The following CSMD1 variants were observed in gnomAD, a reference collection of about 807,000 sequenced individuals.
CSMD1 encodes CUB and Sushi multiple domains 1, also known as CUB and sushi domain-containing protein 1.
Under a neutral mutation model 417.5 loss-of-function variants are expected in CSMD1, and 213 were observed. That is an observed-to-expected ratio of 0.51 (90% confidence interval 0.46 to 0.57). The LOEUF is 0.57. Among genes scored for constraint, CSMD1 ranks in the 20% least tolerant of loss-of-function variants. The pLI, the probability that CSMD1 is intolerant of heterozygous loss-of-function variation, is 0.00. For synonymous variants in CSMD1, 2,862 were observed against 1,736.8 expected (o/e 1.65, Z -16.11); for missense variants, 6,923 against 4,529.7 (o/e 1.53, Z -15.17).
chr8:3,379,212 G>A (rs977894988), intron 18 of CSMD1, among the ~76,000 whole-genome samples: 2 of 152,058 alleles, frequency 1.3e-5, no homozygotes, highest in South Asian at 2.1e-4. Flanking sequence ...ATCTCTTCAA[G>A]GAGAACTACA....
At chr8:4,812,730 C>G (rs978551431) in intron 1 of CSMD1, among the ~76,000 whole-genome samples, 6 of 152,152 alleles carry the variant, frequency 3.9e-5, no homozygotes, top group Admixed American at 3.9e-4. Flanking sequence ...AAGAAATTGC[C>G]TTTCTTCACA....
chr8:4,200,105 A>C (rs1465761242), intron 3 of CSMD1, among the ~76,000 whole-genome samples: 3 of 152,176 alleles, frequency 2.0e-5, no homozygotes, highest in Non-Finnish European at 4.4e-5. Context: ...AAGTTATTTG[A>C]GATTATAACA....
At chr8:3,114,405 A>C (rs1816727344) in intron 42 of CSMD1, among the ~76,000 whole-genome samples, 1 of 150,768 alleles carries the variant, frequency 6.6e-6, no homozygotes. Context: ...TAATAAATAC[A>C]CTTGGCATAA....
intron 15 of CSMD1, among the ~76,000 whole-genome samples, chr8:3,401,137 A>G (rs1236278737): frequency 2.6e-5 from 4 of 151,928 alleles, no homozygotes; most frequent in Non-Finnish European, 4.4e-5. Flanking sequence ...TGTTAAATAT[A>G]TAACTTTTAT....
intron 1 of CSMD1, among the ~76,000 whole-genome samples, chr8:4,887,281 C>T (rs947395696): frequency 2.8e-4 from 42 of 151,914 alleles, no homozygotes; most frequent in African/African-American, 9.4e-4. Flanking sequence ...TAGACTTTTC[C>T]TAGTTTCTAC....
chr8:4,259,112 A>G (rs1183418104), intron 3 of CSMD1, among the ~76,000 whole-genome samples: 1 of 152,166 alleles, frequency 6.6e-6, no homozygotes, highest in Non-Finnish European at 1.5e-5. Flanking sequence ...GAAAGGTCGT[A>G]CTTTAAATAT....
At chr8:4,673,805 A>G (rs918621706) in intron 1 of CSMD1, among the ~76,000 whole-genome samples, 4 of 152,338 alleles carry the variant, frequency 2.6e-5, no homozygotes, top group East Asian at 1.9e-4. Context: ...TGTTCAGAAT[A>G]CATATATCCA....
intron 3 of CSMD1, among the ~76,000 whole-genome samples, chr8:4,282,857 T>C (rs1006793261): frequency 6.6e-6 from 1 of 152,300 alleles, no homozygotes; most frequent in South Asian, 2.1e-4. Context: ...CAAACGTTCA[T>C]TTTCTAAAGA....
chr8:4,625,041 G>C (rs916045924), intron 2 of CSMD1, among the ~76,000 whole-genome samples: 1 of 152,058 alleles, frequency 6.6e-6, no homozygotes, highest in South Asian at 2.1e-4. Context: ...ATGAGAAACC[G>C]GGAAGAATGA....
intron 5 of CSMD1, among the ~76,000 whole-genome samples, chr8:3,784,705 C>G (rs768818591): frequency 6.6e-6 from 1 of 152,114 alleles, no homozygotes; most frequent in African/African-American, 2.4e-5. Context: ...TGGAAATATG[C>G]TATTATTCTA....
intron 5 of CSMD1, among the ~76,000 whole-genome samples, chr8:3,941,740 T>C (rs1418312319): frequency 1.3e-5 from 2 of 152,182 alleles, no homozygotes; most frequent in Non-Finnish European, 2.9e-5. Flanking sequence ...CAGAGCTAAA[T>C]CTTGCCTAAA....
intron 5 of CSMD1, among the ~76,000 whole-genome samples, chr8:3,991,689 G>A (rs147349877): frequency 6.6e-5 from 10 of 152,284 alleles, no homozygotes; most frequent in African/African-American, 1.7e-4. Flanking sequence ...ATTCTAGGAT[G>A]AGAGTGGAGT....
chr8:4,283,139 C>T (rs73189925), intron 3 of CSMD1, among the ~76,000 whole-genome samples: 249 of 152,232 alleles, frequency 1.6e-3, no homozygotes, highest in Middle Eastern at 3.4e-3. Context: ...TAAAAACACT[C>T]AATTGTTGGT....
chr8:3,396,099 A>G (rs1430588215), intron 17 of CSMD1, 95 bp downstream of exon 17: 9 of 1,052,528 alleles, frequency 8.6e-6, no homozygotes, highest in African/African-American at 1.6e-5. Flanking sequence ...TCAGTAAACT[A>G]GCACAGTCAT....
intron 2 of CSMD1, among the ~76,000 whole-genome samples, chr8:4,502,484 C>G (rs1021158028): frequency 6.6e-6 from 1 of 152,094 alleles, no homozygotes; most frequent in African/African-American, 2.4e-5. Context: ...CAGTCATTAC[C>G]AAATTCTGAG....
intron 1 of CSMD1, among the ~76,000 whole-genome samples, chr8:4,758,324 G>C (rs1490100325): frequency 6.6e-6 from 1 of 152,122 alleles, no homozygotes; most frequent in East Asian, 1.9e-4. Flanking sequence ...CGCTGGTTCT[G>C]ATTCTTTGTG....
chr8:4,761,878 TCTATCTATCTAC>T (rs1350133263), intron 1 of CSMD1, among the ~76,000 whole-genome samples: 10,605 of 108,080 alleles, frequency 0.098, 469 homozygotes, highest in East Asian at 0.19. Context: ...TATCTATCTA[TCTATCTATCTAC>T]CTACCTATCT....
At chr8:3,812,462 G>C (rs1038363096) in intron 5 of CSMD1, among the ~76,000 whole-genome samples, 19 of 152,248 alleles carry the variant, frequency 1.2e-4, no homozygotes, top group Non-Finnish European at 2.2e-4. Context: ...ATTAAAATAA[G>C]ACACGATCCC....
intron 54 of CSMD1, among the ~76,000 whole-genome samples, chr8:2,994,611 T>C (rs1413562090): frequency 6.6e-6 from 1 of 152,222 alleles, no homozygotes; most frequent in African/African-American, 2.4e-5. Flanking sequence ...GTGGTAAATG[T>C]AGAAATTAAA....
Sources: gnomAD v4.1 joint callset for allele counts (sites outside exome capture counted in the v4.1 genomes callset) on GRCh38, gnomAD v4.1.1 for gene constraint, MANE v1.5 for transcripts, NCBI Gene and HGNC (gene_info 2026-07-23, HGNC 2026-07-21) for gene names.